Variants in FGL1 observed in about 807,000 individuals in gnomAD.
FGL1 encodes the protein fibrinogen like 1.
FGL1 carries 59 observed loss-of-function variants against 43.7 expected under a neutral mutation model. The observed-to-expected ratio is 1.35, with a 90% CI of 1.10 to 1.68. The LOEUF is 1.68. Ranked by LOEUF, FGL1 falls within the 40% of genes most tolerant of loss-of-function variation. The pLI, the probability that FGL1 is intolerant of heterozygous loss-of-function variation, is 0.00. For missense variants in FGL1, 596 were observed against 373.0 expected, an observed-to-expected ratio of 1.60 and a Z score of -4.92; for synonymous variants, 192 against 126.5, an observed-to-expected ratio of 1.52 and a Z score of -3.48.
chr8:17,887,509 T>C (rs1430061168), intron 1 of FGL1, among the ~76,000 whole-genome samples: 2 of 152,190 alleles, frequency 1.3e-5, no homozygotes, highest in Non-Finnish European at 2.9e-5. Flanking sequence ...ATTCATATGA[T>C]AGCAATTAGT....
intron 3 of FGL1, among the ~76,000 whole-genome samples, chr8:17,881,588 C>G (rs984333655): frequency 2.0e-5 from 3 of 151,460 alleles, no homozygotes; most frequent in African/African-American, 7.3e-5. Context: ...AATCCCAGCA[C>G]TTTGGGAGGC....
intron 1 of FGL1, among the ~76,000 whole-genome samples, chr8:17,890,166 G>C (rs989213284): frequency 6.6e-6 from 1 of 152,162 alleles, no homozygotes; most frequent in Non-Finnish European, 1.5e-5. Flanking sequence ...AAGACTCTAC[G>C]TTCAAAATTT....
chr8:17,894,073 C>G (rs528853900), intron 1 of FGL1, among the ~76,000 whole-genome samples: 1 of 146,142 alleles, frequency 6.8e-6, no homozygotes, highest in East Asian at 1.9e-4. Context: ...TAATTAATTA[C>G]GCTGCATTAA....
chr8:17,879,585 C>T (rs1379872787), intron 3 of FGL1, among the ~76,000 whole-genome samples: 2 of 152,060 alleles, frequency 1.3e-5, no homozygotes, highest in African/African-American at 4.8e-5. Context: ...CACCTCCTCC[C>T]TCTCTTTCTC....
chr8:17,875,830 C>G (rs1459230783), intron 3 of FGL1, among the ~76,000 whole-genome samples: 2 of 152,094 alleles, frequency 1.3e-5, no homozygotes, highest in Non-Finnish European at 2.9e-5. Context: ...TGGTCTCAAA[C>G]TCCTGAGGTC....
rs573301828 is a variant in FGL1, at chr8:17,873,963, A to T, written c.502+56T>A. On this transcript the variant is annotated intron_variant, in intron 5 of 7. Transcript: ENST00000427924. ...TTGCCTATAATTTGGTTAAAAAAAAATTTTAGTGTTGTTTTTATTATATTT... is the reference window on the plus strand; with the variant it reads ...TTGCCTATAATTTGGTTAAAAAAAATTTTTAGTGTTGTTTTTATTATATTT... 54 of 1,348,976 alleles carry T rather than the reference A, an allele frequency of 4.0e-5. 1 individual carries two copies. The Middle Eastern group carries it at 1.5e-3, about 37-fold the overall frequency. 83.6% of individuals were successfully genotyped at this position (1,348,976 alleles called of 1,614,324 possible).
At chr8:17,881,952 G>C (rs777073389) in intron 3 of FGL1, 47 bp downstream of exon 3, 5 of 1,527,426 alleles carry the variant, frequency 3.3e-6, no homozygotes, top group Non-Finnish European at 3.6e-6. Context: ...CTGTACATGG[G>C]TGCATAATGT....
At chr8:17,866,015 G>A (rs973314076) in intron 7 of FGL1, among the ~76,000 whole-genome samples, 1 of 152,114 alleles carries the variant, frequency 6.6e-6, no homozygotes. Flanking sequence ...AGCATGGAAA[G>A]TAATGTTAAA....
intron 5 of FGL1, among the ~76,000 whole-genome samples, chr8:17,871,245 C>A (rs1450749943): frequency 1.3e-5 from 2 of 152,046 alleles, no homozygotes; most frequent in Non-Finnish European, 2.9e-5. Flanking sequence ...GTAATTCAAG[C>A]ACTTTGGGAG....
chr8:17,879,219 A>G (rs147750424), intron 3 of FGL1, among the ~76,000 whole-genome samples: 4 of 151,910 alleles, frequency 2.6e-5, no homozygotes, highest in African/African-American at 7.2e-5. Context: ...TTTCTGAAGC[A>G]TCTCTATATG....
intron 5 of FGL1, among the ~76,000 whole-genome samples, chr8:17,873,532 C>T (rs1283961243): frequency 1.3e-5 from 2 of 152,010 alleles, no homozygotes; most frequent in Non-Finnish European, 2.9e-5. Context: ...AGCCACTAAG[C>T]TTTGGAAGAG....
intron 3 of FGL1, among the ~76,000 whole-genome samples, chr8:17,876,934 T>G (rs998821214): frequency 2.0e-5 from 3 of 152,234 alleles, no homozygotes; most frequent in Middle Eastern, 3.4e-3. Flanking sequence ...AAACACAACT[T>G]AAGAAAAGCT....
intron 5 of FGL1, among the ~76,000 whole-genome samples, chr8:17,870,072 T>C (rs1252801634): frequency 1.3e-5 from 2 of 151,984 alleles, no homozygotes; most frequent in African/African-American, 4.8e-5. Context: ...ATTGCTCCAC[T>C]GCACTCCAGC....
At chr8:17,867,924 GC>G (rs2053294665) in intron 7 of FGL1, among the ~76,000 whole-genome samples, 3 of 152,202 alleles carry the variant, frequency 2.0e-5, no homozygotes, top group African/African-American at 7.2e-5. Context: ...GCAAAAATTA[GC>G]CCATGTACCC....
At chr8:17,879,687 A>G (rs35782420) in intron 3 of FGL1, among the ~76,000 whole-genome samples, 7,600 of 151,784 alleles carry the variant, frequency 0.05, 209 homozygotes, top group East Asian at 0.07. Flanking sequence ...AGATGCTGCT[A>G]TGCTTCCTTT....
rs182394837 is a variant in FGL1, at chr8:17,877,643, T to A, written c.245-3122A>T. On this transcript the variant is annotated intron_variant, in intron 3 of 7. Transcript: ENST00000427924. Reference sequence around the variant, plus strand: ...AAAAAAAAGGATAAAGGAAGGTGGGTACATAGTAGGTGTATGTATTTGTTG... The same window carrying A: ...AAAAAAAAGGATAAAGGAAGGTGGGAACATAGTAGGTGTATGTATTTGTTG... Among the ~76,000 whole-genome samples, 348 of 151,132 alleles carry A rather than the reference T, an allele frequency of 2.3e-3. 1 individual carries two copies. The highest frequency in any genetic ancestry group is 8.0e-3 in the African/African-American group (330 of 41,220).
intron 1 of FGL1, among the ~76,000 whole-genome samples, chr8:17,888,341 A>C (rs1390744238): frequency 6.6e-6 from 1 of 152,152 alleles, no homozygotes; most frequent in Non-Finnish European, 1.5e-5. Context: ...ATAAGCTTGG[A>C]ATTATTTAAG....
At chr8:17,882,490 A>G (rs904130616) in intron 2 of FGL1, 6 of 196,066 alleles carry the variant, frequency 3.1e-5, no homozygotes, top group Non-Finnish European at 5.2e-5. Flanking sequence ...GAAAGGGCTC[A>G]GTCTTGATGC....
chr8:17,884,187 T>TTC (rs34589693), intron 2 of FGL1, among the ~76,000 whole-genome samples: 24 of 145,776 alleles, frequency 1.6e-4, no homozygotes, highest in African/African-American at 4.3e-4. Context: ...GGATGATTCC[T>TTC]TCTCTCTCTC....
Sources: allele counts gnomAD v4.1 joint callset (sites outside exome capture counted in the v4.1 genomes callset), GRCh38; gene constraint gnomAD v4.1.1; transcripts MANE v1.5; gene names NCBI Gene and HGNC (gene_info 2026-07-23, HGNC 2026-07-21).